The following KDM4C variants were observed in gnomAD, a reference collection of about 807,000 sequenced individuals.
KDM4C encodes the protein lysine-specific demethylase 4C.
In KDM4C, 81 loss-of-function variants were observed where a neutral mutation model predicts 129.3. The ratio of observed to expected loss-of-function variants is 0.63; its 90% CI spans 0.52 to 0.75. KDM4C has a LOEUF of 0.75. Among genes scored for constraint, KDM4C ranks in the 30% least tolerant of loss-of-function variants. The pLI is 0.00. For synonymous variants in KDM4C, 573 were observed against 456.1 expected (o/e 1.26, Z -3.26); for missense variants, 1,457 against 1,304.0 (o/e 1.12, Z -1.81).
At chr9:6,919,687 T>C (rs747613838) in intron 8 of KDM4C, among the ~76,000 whole-genome samples, 1 of 151,880 alleles carries the variant, frequency 6.6e-6, no homozygotes, top group African/African-American at 2.4e-5. Context: ...GTGATTCTCT[T>C]GCTTCAGCCT....
chr9:7,153,634 C>T (rs889610936), intron 19 of KDM4C, among the ~76,000 whole-genome samples: 1 of 152,102 alleles, frequency 6.6e-6, no homozygotes, highest in African/African-American at 2.4e-5. Context: ...TGAGAGGTTT[C>T]TTTCCATTTT....
At chr9:6,954,547 C>A (rs539181728) in intron 8 of KDM4C, among the ~76,000 whole-genome samples, 10 of 152,060 alleles carry the variant, frequency 6.6e-5, no homozygotes, top group Non-Finnish European at 1.3e-4. Flanking sequence ...CAAGGAGAGG[C>A]CTTATTGATC....
chr9:7,144,461 T>G (rs1406326064), intron 19 of KDM4C, among the ~76,000 whole-genome samples: 2 of 152,220 alleles, frequency 1.3e-5, no homozygotes, highest in African/African-American at 4.8e-5. Flanking sequence ...TAGGCAGCTC[T>G]TGGGGACTTG....
chr9:6,907,482 C>T (rs188509739), intron 8 of KDM4C, among the ~76,000 whole-genome samples: 2 of 152,242 alleles, frequency 1.3e-5, no homozygotes, highest in Non-Finnish European at 2.9e-5. Flanking sequence ...GGACCAATGT[C>T]TAAATGCATC....
chr9:6,731,205 T>C (rs1035387191), intron 1 of KDM4C, among the ~76,000 whole-genome samples: 4 of 152,080 alleles, frequency 2.6e-5, no homozygotes, highest in African/African-American at 4.8e-5. Flanking sequence ...CTTCTTATAC[T>C]GGGAACGTCA....
intron 15 of KDM4C, among the ~76,000 whole-genome samples, chr9:7,034,758 T>C (rs1827349106): frequency 6.6e-6 from 1 of 152,202 alleles, no homozygotes; most frequent in African/African-American, 2.4e-5. Flanking sequence ...TTCATATTGT[T>C]CTCCATGGTG....
intron 18 of KDM4C, among the ~76,000 whole-genome samples, chr9:7,122,485 A>G (rs1839614272): frequency 6.6e-6 from 1 of 152,152 alleles, no homozygotes; most frequent in Admixed American, 6.6e-5. Context: ...ACTGCTCTAG[A>G]CTACTTCTAA....
intron 17 of KDM4C, among the ~76,000 whole-genome samples, chr9:7,099,077 T>C (rs1478480081): frequency 6.6e-6 from 1 of 152,112 alleles, no homozygotes; most frequent in Non-Finnish European, 1.5e-5. Context: ...AAAGTGTCCT[T>C]AGGGGGCAAA....
chr9:6,778,687 A>T (rs1192505578), intron 1 of KDM4C, among the ~76,000 whole-genome samples: 1 of 151,844 alleles, frequency 6.6e-6, no homozygotes, highest in African/African-American at 2.4e-5. Context: ...GAATCTCTTG[A>T]ACCCAGGAAG....
intron 8 of KDM4C, among the ~76,000 whole-genome samples, chr9:6,907,119 T>TTA (rs1444954992): frequency 6.6e-6 from 1 of 152,210 alleles, no homozygotes; most frequent in Non-Finnish European, 1.5e-5. Flanking sequence ...TATACAGCTG[T>TTA]TAAAAACAGC....
intron 17 of KDM4C, among the ~76,000 whole-genome samples, chr9:7,070,555 T>C (rs1232719989): frequency 6.6e-6 from 1 of 152,170 alleles, no homozygotes; most frequent in East Asian, 1.9e-4. Flanking sequence ...AAGGCTTATT[T>C]AACTTTTTAA....
At chr9:6,820,318 G>T (rs900686316) in intron 4 of KDM4C, among the ~76,000 whole-genome samples, 13 of 152,166 alleles carry the variant, frequency 8.5e-5, no homozygotes, top group Non-Finnish European at 1.5e-4. Context: ...TAAATTGAAG[G>T]GTGAGACCAC....
chr9:6,845,355 C>G (rs1837668380), intron 4 of KDM4C, among the ~76,000 whole-genome samples: 3 of 152,302 alleles, frequency 2.0e-5, no homozygotes, highest in Middle Eastern at 6.8e-3. Flanking sequence ...GCAGGGATTA[C>G]AGGCGTGAGG....
chr9:6,785,012 G>A (rs1046398138), intron 1 of KDM4C, among the ~76,000 whole-genome samples: 1 of 152,164 alleles, frequency 6.6e-6, no homozygotes, highest in Non-Finnish European at 1.5e-5. Context: ...GGAGAACGTG[G>A]TCCTCTTCTC....
chr9:6,787,160 TTAATTCTAG>T (rs1588258458), intron 1 of KDM4C, among the ~76,000 whole-genome samples: 2 of 152,342 alleles, frequency 1.3e-5, no homozygotes, highest in Admixed American at 6.5e-5. Context: ...AGGTCTAGGT[TTAATTCTAG>T]TAGCCACTAA....
rs773314975 is a variant in KDM4C at position 7,167,059 on chromosome 9, ATGCGT to A, written c.2901+1704_2901+1708del. ...GCACAGTGCTTAATATCCTAGGCATATGCGTTTTTTGACCCTCAGAGTAGTCCTAC... is the reference window on the plus strand; with the variant it reads ...GCACAGTGCTTAATATCCTAGGCATATTTTTGACCCTCAGAGTAGTCCTAC... On this transcript the variant is annotated intron_variant, in intron 20 of 21. Coordinates refer to ENST00000381309, the MANE Select transcript of KDM4C (RefSeq NM_015061.6). Among the ~76,000 whole-genome samples the A allele has an allele frequency of 5.3e-5, 8 of 152,238 alleles. No homozygotes were observed. In the East Asian group the frequency reaches 1.5e-3, roughly 29 times the overall value.
In KDM4C at chr9:7,122,265, A is replaced by ACACACTCTCT. The variant is rs375655422; in HGVS notation, c.2611-5800_2611-5799insACACTCTCTC. ...CACACACACACACACACACACACAC[A>ACACACTCTCT]CTCTCTCTCTCTCTCTCTCTTAAAC... is the stretch of plus-strand genomic sequence containing the variant. On this transcript the variant is annotated intron_variant, in intron 18 of 21. Transcript: ENST00000381309. Among the ~76,000 whole-genome samples the ACACACTCTCT allele has an allele frequency of 8.4e-4, 122 of 144,818 alleles. 1 individual carries two copies. The highest frequency in any genetic ancestry group is 6.0e-3 in the East Asian group (29 of 4,838).
At chr9:7,046,017 A>T (rs931416088) in intron 15 of KDM4C, among the ~76,000 whole-genome samples, 1 of 152,066 alleles carries the variant, frequency 6.6e-6, no homozygotes, top group Non-Finnish European at 1.5e-5. Context: ...AACTTCTACC[A>T]ATTTAAAAAA....
At chr9:7,020,596 T>G (rs1041371033) in intron 15 of KDM4C, among the ~76,000 whole-genome samples, 5 of 152,212 alleles carry the variant, frequency 3.3e-5, no homozygotes, top group Admixed American at 2.6e-4. Flanking sequence ...AAGTCAATAC[T>G]CTTGATATTA....
Sources: allele counts gnomAD v4.1 joint callset (sites outside exome capture counted in the v4.1 genomes callset), GRCh38; gene constraint gnomAD v4.1.1; transcripts MANE v1.5; gene names NCBI Gene and HGNC (gene_info 2026-07-23, HGNC 2026-07-21).